Variants in ZNF525 observed in about 807,000 individuals in gnomAD.
ZNF525 encodes zinc finger protein 525.
Under a neutral mutation model 37.6 loss-of-function variants are expected in ZNF525, and 33 were observed. That is an observed-to-expected ratio of 0.88 (90% confidence interval 0.67 to 1.17). ZNF525 has a LOEUF of 1.17. Among genes scored for constraint, ZNF525 ranks in the 50% most tolerant of loss-of-function variants. The pLI is 0.00. For synonymous variants in ZNF525, 170 were observed against 182.3 expected (o/e 0.93, Z 0.54); for missense variants, 449 against 543.1 (o/e 0.83, Z 1.72).
At chr19:53,366,543 A>G (rs1315141072) in intron 1 of ZNF525, among the ~76,000 whole-genome samples, 1 of 58,226 alleles carries the variant, frequency 1.7e-5, no homozygotes, top group Non-Finnish European at 6.9e-5. Flanking sequence ...CAAAAGTGAA[A>G]AAAAAAAAAA....
chr19:53,373,769 A>T (rs1429382583), intron 2 of ZNF525, among the ~76,000 whole-genome samples: 1 of 151,494 alleles, frequency 6.6e-6, no homozygotes, highest in Non-Finnish European at 1.5e-5. Flanking sequence ...TTGCAGTGAG[A>T]TGAGATTGTG....
intron 1 of ZNF525, among the ~76,000 whole-genome samples, chr19:53,370,174 A>G (rs2085477132): frequency 1.3e-5 from 2 of 150,068 alleles, no homozygotes; most frequent in African/African-American, 2.4e-5. Flanking sequence ...TAATCCTAGC[A>G]CTTTGGGAGG....
intron 3 of ZNF525, among the ~76,000 whole-genome samples, chr19:53,378,856 G>A (rs762582002): frequency 3.9e-5 from 6 of 152,166 alleles, no homozygotes; most frequent in Non-Finnish European, 5.9e-5. Context: ...TGAACATGGC[G>A]TTTGGCCAAT....
intron 2 of ZNF525, among the ~76,000 whole-genome samples, chr19:53,374,997 C>T (rs1456278661): frequency 2.0e-5 from 3 of 152,166 alleles, no homozygotes; most frequent in East Asian, 1.9e-4. Context: ...CCGTCAGGCT[C>T]CCAAGTAGCT....
rs2085609426 is a variant in ZNF525 at position 53,386,576 on chromosome 19, C to A, written c.*4557C>A. Reference sequence around the variant, plus strand: ...GTTCAGTAATAAACGTGAGACTTTTCATTTCAAAACAAAAGTCAAATGATG... The same window carrying A: ...GTTCAGTAATAAACGTGAGACTTTTAATTTCAAAACAAAAGTCAAATGATG... On this transcript the variant is annotated 3_prime_UTR_variant, in exon 4 of 4. Coordinates refer to ENST00000474037, the MANE Select transcript of ZNF525 (RefSeq NM_001348156.2). 2 of 403,168 alleles carry A rather than the reference C, an allele frequency of 5.0e-6. No homozygotes were observed. Among genetic ancestry groups the A allele is most frequent in the South Asian group, 5.1e-5 (2 of 39,552 alleles). 25.0% of individuals were successfully genotyped at this position (403,168 alleles called of 1,614,324 possible).
chr19:53,373,979 C>T (rs1433110331), intron 2 of ZNF525, among the ~76,000 whole-genome samples: 2 of 152,034 alleles, frequency 1.3e-5, no homozygotes, highest in Non-Finnish European at 2.9e-5. Flanking sequence ...GCATCCCGAG[C>T]TCAAGCGATT....
intron 3 of ZNF525, among the ~76,000 whole-genome samples, chr19:53,378,967 C>T (rs1449666334): frequency 6.6e-6 from 1 of 152,032 alleles, no homozygotes; most frequent in African/African-American, 2.4e-5. Flanking sequence ...ATAAATTTTC[C>T]CAGTACACAT....
intron 1 of ZNF525, among the ~76,000 whole-genome samples, chr19:53,366,227 A>T (rs35469454): frequency 2.0e-5 from 2 of 100,726 alleles, no homozygotes; most frequent in African/African-American, 5.2e-5. Flanking sequence ...GTCCCTCCTC[A>T]TGCCGGGCCC....
At chr19:53,366,780 G>A (rs372383867) in intron 1 of ZNF525, among the ~76,000 whole-genome samples, 1 of 136,980 alleles carries the variant, frequency 7.3e-6, no homozygotes. Flanking sequence ...GGGATCTGGG[G>A]TGCCAGAGAG....
intron 3 of ZNF525, among the ~76,000 whole-genome samples, chr19:53,379,168 T>C (rs2085542433): frequency 6.6e-6 from 1 of 151,994 alleles, no homozygotes; most frequent in Non-Finnish European, 1.5e-5. Flanking sequence ...CAAGCTGGAG[T>C]GCAGTGGTGG....
intron 2 of ZNF525, among the ~76,000 whole-genome samples, chr19:53,372,681 C>T (rs2085495968): frequency 2.6e-5 from 4 of 152,144 alleles, no homozygotes; most frequent in African/African-American, 2.4e-5. Context: ...GCACAAAGTA[C>T]GTGGTAAATT....
Position 53,382,206 on chromosome 19 carries a change from A to T in ZNF525, c.*187A>T. 6.3e-7 allele frequency: 1 copy of T among 1,587,600 alleles called. No individual in the cohort carries two copies. Among genetic ancestry groups the T allele is most frequent in the Non-Finnish European group, 8.6e-7 (1 of 1,156,186 alleles). ...CAAATCAAACCTTGAAAGACATAGG[A>T]GAATTCACACTGGTGAGAAACCTTA... is the stretch of plus-strand genomic sequence containing the variant. On this transcript the variant is annotated 3_prime_UTR_variant, in exon 4 of 4. Coordinates refer to ENST00000474037, the MANE Select transcript of ZNF525 (RefSeq NM_001348156.2).
intron 3 of ZNF525, among the ~76,000 whole-genome samples, chr19:53,377,202 A>T (rs778931392): frequency 6.6e-6 from 1 of 152,008 alleles, no homozygotes; most frequent in Non-Finnish European, 1.5e-5. Context: ...AATGAGACGA[A>T]GTTTTGTTCT....
intron 3 of ZNF525, among the ~76,000 whole-genome samples, chr19:53,377,033 G>A (rs936277353): frequency 7.2e-5 from 11 of 152,068 alleles, no homozygotes; most frequent in South Asian, 2.1e-4. Context: ...TATTTATGTC[G>A]GAATTATTTC....
intron 1 of ZNF525, among the ~76,000 whole-genome samples, chr19:53,367,252 A>G (rs1285151558): frequency 1.3e-5 from 2 of 152,092 alleles, no homozygotes; most frequent in Non-Finnish European, 2.9e-5. Flanking sequence ...TAGGCAGAGG[A>G]AAACTTCTTT....
chr19:53,376,740 G>T (rs1167524929), intron 3 of ZNF525, among the ~76,000 whole-genome samples: 1 of 152,138 alleles, frequency 6.6e-6, no homozygotes, highest in Non-Finnish European at 1.5e-5. Flanking sequence ...AAGGCCGGGG[G>T]TGGGCAAATC....
Position 53,375,884 on chromosome 19 carries a change from C to T in ZNF525, c.130C>T (p.Leu44=). The change falls in exon 3 of 4, where the codon CTG becomes TTG. Residue 44 remains leucine (L), a synonymous_variant. Coordinates refer to ENST00000474037, the MANE Select transcript of ZNF525 (RefSeq NM_001348156.2). ...RDVMLENYRN[L]VSLGISSKCT... is the part of the protein sequence containing the mutation. ...CGTGATGCTGGAGAATTATAGGAAC[C>T]TGGTCTCCCTGGGTGAGGATAACTT... The T allele has an allele frequency of 1.2e-6, 2 of 1,613,766 alleles. No homozygotes were observed. Among genetic ancestry groups the T allele is most frequent in the Non-Finnish European group, 1.7e-6 (2 of 1,179,886 alleles).
intron 2 of ZNF525, 108 bp downstream of exon 2, chr19:53,372,404 C>T: frequency 1.4e-6 from 1 of 738,752 alleles, no homozygotes; most frequent in South Asian, 1.5e-5. Flanking sequence ...CAGGTTTGCT[C>T]ACATTCACCC....
At chr19:53,367,513 T>C (rs1227086408) in intron 1 of ZNF525, among the ~76,000 whole-genome samples, 1 of 152,178 alleles carries the variant, frequency 6.6e-6, no homozygotes, top group Non-Finnish European at 1.5e-5. Context: ...TGATTAAATG[T>C]TCTTAACAAG....
Sources: gnomAD v4.1 joint callset for allele counts (sites outside exome capture counted in the v4.1 genomes callset) on GRCh38, gnomAD v4.1.1 for gene constraint, MANE v1.5 for transcripts, NCBI Gene and HGNC (gene_info 2026-07-23, HGNC 2026-07-21) for gene names.